ABTB3: variants seen among roughly 807,000 people sequenced by gnomAD.
ABTB3 encodes ankyrin repeat- and BTB/POZ domain-containing protein 3.
At chr12:107,468,244 G>A in the ABTB3 span, among the ~76,000 whole-genome samples, 1 of 152,188 alleles carries the variant, frequency 6.6e-6, no homozygotes, top group South Asian at 2.1e-4. Flanking sequence ...CCTGGCAAGA[G>A]TGCAGGTGAG....
At chr12:107,497,641 A>G in the ABTB3 span, among the ~76,000 whole-genome samples, 1 of 152,210 alleles carries the variant, frequency 6.6e-6, no homozygotes, top group African/African-American at 2.4e-5. Flanking sequence ...GAAGGTTTTC[A>G]GTAATATTCT....
the ABTB3 span, among the ~76,000 whole-genome samples, chr12:107,467,570 G>A: frequency 6.6e-6 from 1 of 152,080 alleles, no homozygotes; most frequent in Non-Finnish European, 1.5e-5. Context: ...CCTGGATTCT[G>A]CGTTACTCCA....
At chr12:107,567,442 C>G in the ABTB3 span, among the ~76,000 whole-genome samples, 1 of 152,202 alleles carries the variant, frequency 6.6e-6, no homozygotes, top group East Asian at 1.9e-4. Context: ...TGTGCCTTTT[C>G]CACATTTAAA....
At chr12:107,637,832 GT>G in the ABTB3 span, among the ~76,000 whole-genome samples, 1 of 145,172 alleles carries the variant, frequency 6.9e-6, no homozygotes, top group Admixed American at 6.9e-5. Flanking sequence ...GTGTGTGTGT[GT>G]GGTATGGTGT....
At chr12:107,499,101 GCA>G in the ABTB3 span, among the ~76,000 whole-genome samples, 175 of 152,220 alleles carry the variant, frequency 1.1e-3, no homozygotes, top group Non-Finnish European at 2.0e-3. Flanking sequence ...CCAGGTCTTG[GCA>G]CACAGTAGGC....
the ABTB3 span, among the ~76,000 whole-genome samples, chr12:107,595,439 G>A: frequency 1.3e-5 from 2 of 152,154 alleles, no homozygotes. Flanking sequence ...GGCTGCAATG[G>A]GGGGAAAAGA....
At chr12:107,530,166 G>T in the ABTB3 span, among the ~76,000 whole-genome samples, 1 of 152,184 alleles carries the variant, frequency 6.6e-6, no homozygotes, top group African/African-American at 2.4e-5. Flanking sequence ...TGAGGAGATG[G>T]TGAGATGGTT....
chr12:107,413,146 C>T, the ABTB3 span, among the ~76,000 whole-genome samples: 15 of 151,556 alleles, frequency 9.9e-5, no homozygotes, highest in African/African-American at 3.6e-4. Flanking sequence ...TGGTGGTGGG[C>T]GCCTGTAATC....
the ABTB3 span, among the ~76,000 whole-genome samples, chr12:107,632,863 A>G: frequency 2.0e-5 from 3 of 151,976 alleles, no homozygotes; most frequent in Admixed American, 2.0e-4. Context: ...GTCACACTTA[A>G]CTCCTAGTGT....
At chr12:107,545,072 T>G in the ABTB3 span, among the ~76,000 whole-genome samples, 1 of 152,216 alleles carries the variant, frequency 6.6e-6, no homozygotes, top group Non-Finnish European at 1.5e-5. Context: ...TTTTCCTTTC[T>G]GTTACTTGGT....
the ABTB3 span, among the ~76,000 whole-genome samples, chr12:107,325,709 T>C: frequency 6.2e-3 from 950 of 152,288 alleles, 11 homozygotes; most frequent in African/African-American, 0.021. Context: ...CCAAACTCAT[T>C]ATTACCAGAC....
At chr12:107,320,223 A>C in the ABTB3 span, 1 of 1,286,206 alleles carries the variant, frequency 7.8e-7, no homozygotes, top group Non-Finnish European at 1.0e-6. Context: ...GGTAGCCAGA[A>C]CAAGAGGTTG....
chr12:107,575,103 T>C, the ABTB3 span, among the ~76,000 whole-genome samples: 1 of 152,244 alleles, frequency 6.6e-6, no homozygotes, highest in African/African-American at 2.4e-5. Flanking sequence ...TCTGGAATTA[T>C]GAGCTTCCTA....
At chr12:107,443,446 G>A in the ABTB3 span, among the ~76,000 whole-genome samples, 2 of 152,062 alleles carry the variant, frequency 1.3e-5, no homozygotes, top group Admixed American at 6.5e-5. Context: ...CCTGAAAGAG[G>A]GGAGGAGAGC....
the ABTB3 span, among the ~76,000 whole-genome samples, chr12:107,372,555 T>G: frequency 6.6e-6 from 1 of 152,144 alleles, no homozygotes; most frequent in Non-Finnish European, 1.5e-5. Flanking sequence ...TCCACATGAC[T>G]AAATCAGCAT....
chr12:107,418,395 C>T, the ABTB3 span, among the ~76,000 whole-genome samples: 1 of 152,184 alleles, frequency 6.6e-6, no homozygotes, highest in Non-Finnish European at 1.5e-5. Flanking sequence ...ACTTAATAAA[C>T]TCCCCTTTAT....
the ABTB3 span, among the ~76,000 whole-genome samples, chr12:107,451,839 C>T: frequency 5.3e-5 from 8 of 152,206 alleles, no homozygotes; most frequent in Non-Finnish European, 8.8e-5. Flanking sequence ...CTATAACAAT[C>T]GCTAACAGGT....
chr12:107,646,621 G>A, the ABTB3 span, among the ~76,000 whole-genome samples: 1 of 152,180 alleles, frequency 6.6e-6, no homozygotes, highest in African/African-American at 2.4e-5. Context: ...TCTGCGACAA[G>A]CAGATGGTCA....
the ABTB3 span, among the ~76,000 whole-genome samples, chr12:107,615,509 C>T: frequency 6.6e-6 from 1 of 152,170 alleles, no homozygotes; most frequent in African/African-American, 2.4e-5. Context: ...GCTATTGATA[C>T]CTTAGAACCT....
Sources: allele counts gnomAD v4.1 joint callset (sites outside exome capture counted in the v4.1 genomes callset), GRCh38; gene constraint gnomAD v4.1.1; transcripts MANE v1.5; gene names NCBI Gene and HGNC (gene_info 2026-07-23, HGNC 2026-07-21).